NECAB1: variants seen among roughly 807,000 people sequenced by gnomAD.
The protein encoded by NECAB1 is N-terminal EF-hand calcium binding protein 1.
In NECAB1, 29 loss-of-function variants were observed where a neutral mutation model predicts 57.5. The ratio of observed to expected loss-of-function variants is 0.50; its 90% CI spans 0.38 to 0.69. The LOEUF is 0.69. NECAB1 is among the 30% of genes least tolerant of loss of function. NECAB1 has a pLI of 0.00. For synonymous variants in NECAB1, 142 were observed against 147.7 expected, an observed-to-expected ratio of 0.96 and a Z score of 0.28; for missense variants, 372 against 413.8, an observed-to-expected ratio of 0.90 and a Z score of 0.88.
intron 3 of NECAB1, among the ~76,000 whole-genome samples, chr8:90,843,531 A>G (rs796848235): frequency 1.2e-4 from 18 of 152,280 alleles, no homozygotes; most frequent in African/African-American, 4.3e-4. Context: ...GAATTTGTTG[A>G]CTTTTCCTTG....
intron 1 of NECAB1, among the ~76,000 whole-genome samples, chr8:90,794,065 G>C (rs913896325): frequency 6.6e-6 from 1 of 152,098 alleles, no homozygotes; most frequent in Non-Finnish European, 1.5e-5. Flanking sequence ...CCTATGAGAG[G>C]TGTTGACATG....
intron 4 of NECAB1, among the ~76,000 whole-genome samples, chr8:90,875,487 C>CAAAAAAAA (rs35777818): frequency 3.9e-4 from 16 of 41,490 alleles, no homozygotes; most frequent in African/African-American, 1.7e-3. Context: ...GACTCCGTCT[C>CAAAAAAAA]AAAAAAAAAA....
At chr8:90,857,330 T>A (rs913137148) in intron 3 of NECAB1, among the ~76,000 whole-genome samples, 2 of 152,208 alleles carry the variant, frequency 1.3e-5, no homozygotes, top group African/African-American at 4.8e-5. Context: ...TATATAATTA[T>A]CTATCCCACT....
At chr8:90,827,639 G>T (rs1367461895) in intron 3 of NECAB1, among the ~76,000 whole-genome samples, 2 of 151,892 alleles carry the variant, frequency 1.3e-5, no homozygotes, top group African/African-American at 4.8e-5. Context: ...TCCACTTTGA[G>T]AATATTTGGA....
intron 2 of NECAB1, among the ~76,000 whole-genome samples, chr8:90,808,521 C>T (rs1811893197): frequency 6.6e-6 from 1 of 151,978 alleles, no homozygotes; most frequent in Admixed American, 6.6e-5. Flanking sequence ...CTCTCACAGA[C>T]TTGTTGGAAA....
intron 7 of NECAB1, among the ~76,000 whole-genome samples, chr8:90,927,738 T>C (rs1393792673): frequency 6.6e-6 from 1 of 150,688 alleles, no homozygotes; most frequent in Non-Finnish European, 1.5e-5. Flanking sequence ...GCCATGATTA[T>C]AGAGTCCATG....
chr8:90,929,933 G>C (rs1031257365), intron 8 of NECAB1, among the ~76,000 whole-genome samples: 1 of 152,176 alleles, frequency 6.6e-6, no homozygotes, highest in African/African-American at 2.4e-5. Flanking sequence ...ATGGACCGAA[G>C]AGGGCCAGAT....
Position 90,955,787 on chromosome 8 carries a change from T to C in NECAB1, c.*275T>C, listed in dbSNP as rs187228608. On this transcript the variant is annotated 3_prime_UTR_variant, in exon 13 of 13. Coordinates refer to ENST00000417640, the MANE Select transcript of NECAB1 (RefSeq NM_022351.5). ...ACCTTTTAGTGACAAAATCCTAATA[T>C]GTGGAAAAAAGCATATGCATAAAGG... 39 of 357,606 alleles carry C rather than the reference T, an allele frequency of 1.1e-4. No individual in the cohort carries two copies. Among genetic ancestry groups the C allele is most frequent in the East Asian group, 7.7e-4 (16 of 20,802 alleles). 22.2% of individuals were successfully genotyped at this position (357,606 alleles called of 1,614,324 possible). A position where few individuals can be genotyped will look rare whatever the true frequency, so the allele number is the denominator to read the frequency against.
At chr8:90,895,589 C>T (rs1214863824) in intron 5 of NECAB1, among the ~76,000 whole-genome samples, 2 of 152,178 alleles carry the variant, frequency 1.3e-5, no homozygotes, top group Non-Finnish European at 2.9e-5. Flanking sequence ...ATAATAACAG[C>T]ATTTTCTACT....
At chr8:90,803,057 C>T (rs570386991) in intron 2 of NECAB1, among the ~76,000 whole-genome samples, 2 of 152,066 alleles carry the variant, frequency 1.3e-5, no homozygotes, top group South Asian at 2.1e-4. Context: ...CCATCACACC[C>T]GGCTAATTTT....
chr8:90,829,372 A>C (rs1812269683), intron 3 of NECAB1, among the ~76,000 whole-genome samples: 1 of 152,070 alleles, frequency 6.6e-6, no homozygotes. Context: ...AGCTATAGGA[A>C]ACTATGATGA....
intron 4 of NECAB1, among the ~76,000 whole-genome samples, chr8:90,877,059 G>A (rs1263153114): frequency 1.3e-5 from 2 of 152,202 alleles, no homozygotes; most frequent in East Asian, 3.8e-4. Flanking sequence ...CTGGTATTGT[G>A]ATTCAAATGA....
intron 4 of NECAB1, 126 bp downstream of exon 4, chr8:90,872,279 G>A (rs1808635476): frequency 1.4e-6 from 1 of 726,840 alleles, no homozygotes; most frequent in South Asian, 2.4e-5. Flanking sequence ...AAAATTAATC[G>A]AGATCTCAAG....
At position 90,951,302 on chromosome 8, in the gene NECAB1, A is replaced by G. The variant is rs915058067; in HGVS notation, c.1030+98A>G. ...TGCTCTTTCCTTCTATATTTTATCAATGGTACTCTCTTATTTATTTCTTTA... is the reference window on the plus strand; with the variant it reads ...TGCTCTTTCCTTCTATATTTTATCAGTGGTACTCTCTTATTTATTTCTTTA... On this transcript the variant is annotated intron_variant, in intron 12 of 12. Coordinates refer to ENST00000417640, the MANE Select transcript of NECAB1 (RefSeq NM_022351.5). The G allele has an allele frequency of 6.2e-6, 4 of 650,002 alleles. No homozygotes were observed. The African/African-American group carries it at 7.8e-5, about 13-fold the overall frequency. The allele number at this position is 650,002 out of a possible 1,614,324, so 40.3% of individuals were successfully genotyped here.
chr8:90,816,648 G>C (rs772307691), intron 2 of NECAB1, among the ~76,000 whole-genome samples: 40 of 151,526 alleles, frequency 2.6e-4, no homozygotes, highest in Non-Finnish European at 3.7e-4. Context: ...TACTAGTGTG[G>C]GTATACTTCT....
At chr8:90,845,031 C>G (rs1812530119) in intron 3 of NECAB1, among the ~76,000 whole-genome samples, 1 of 152,168 alleles carries the variant, frequency 6.6e-6, no homozygotes, top group African/African-American at 2.4e-5. Flanking sequence ...GGTTCACGTC[C>G]AAAAGCAACC....
chr8:90,936,808 T>A (rs1413352678), intron 9 of NECAB1, among the ~76,000 whole-genome samples: 1 of 152,128 alleles, frequency 6.6e-6, no homozygotes, highest in Non-Finnish European at 1.5e-5. Context: ...TAAGTCCATT[T>A]TTTTTTTTCT....
chr8:90,905,481 A>T (rs1481442133), intron 5 of NECAB1, among the ~76,000 whole-genome samples: 1 of 152,202 alleles, frequency 6.6e-6, no homozygotes, highest in Non-Finnish European at 1.5e-5. Context: ...CCACAGGTTC[A>T]TAGGCAGTTG....
intron 5 of NECAB1, among the ~76,000 whole-genome samples, chr8:90,903,390 AC>A (rs1640094077): frequency 6.6e-6 from 1 of 152,192 alleles, no homozygotes; most frequent in African/African-American, 2.4e-5. Context: ...GCAGAAAAAA[AC>A]ATGTCACATA....
Sources: allele counts gnomAD v4.1 joint callset (sites outside exome capture counted in the v4.1 genomes callset), GRCh38; gene constraint gnomAD v4.1.1; transcripts MANE v1.5; gene names NCBI Gene and HGNC (gene_info 2026-07-23, HGNC 2026-07-21).